The following CPNE7 variants were observed in gnomAD, a reference collection of about 807,000 sequenced individuals.
CPNE7 encodes copine-7.
CPNE7 carries 78 observed loss-of-function variants against 66.5 expected under a neutral mutation model. The observed-to-expected ratio is 1.17, with a 90% CI of 0.98 to 1.42. The LOEUF is 1.42. CPNE7 is among the 40% of genes most tolerant of loss of function. CPNE7 has a pLI of 0.00. For missense variants in CPNE7, 1,012 were observed against 776.6 expected (o/e 1.30, Z -3.60); for synonymous variants, 468 against 336.7 (o/e 1.39, Z -4.27).
chr16:89,588,540 A>C, intron 9 of CPNE7, 135 bp from the exon 10 acceptor site: 2 of 1,046,624 alleles, frequency 1.9e-6, no homozygotes, highest in Non-Finnish European at 2.8e-6. Context: ...CCCCAACAGC[A>C]GCCCCCCAGC....
chr16:89,586,949 GA>G, intron 8 of CPNE7, 93 bp from the exon 9 acceptor site: 3 of 1,290,066 alleles, frequency 2.3e-6, no homozygotes, highest in Non-Finnish European at 2.2e-6. Flanking sequence ...ACCCCAGAGG[GA>G]CTGGGCTGCC....
At chr16:89,590,641 C>T (rs530796228) in intron 11 of CPNE7, among the ~76,000 whole-genome samples, 14 of 151,188 alleles carry the variant, frequency 9.3e-5, no homozygotes, top group African/African-American at 2.9e-4. Flanking sequence ...GGAGGTCTGC[C>T]TCCCTCTCTG....
intron 2 of CPNE7, among the ~76,000 whole-genome samples, chr16:89,579,158 G>A (rs1242388683): frequency 6.6e-6 from 1 of 151,998 alleles, no homozygotes; most frequent in Non-Finnish European, 1.5e-5. Context: ...CAGGCGTGGT[G>A]GTGCGTGCCT....
intron 10 of CPNE7, 103 bp from the exon 11 acceptor site, chr16:89,589,794 G>A (rs943158989): frequency 7.8e-7 from 1 of 1,284,154 alleles, no homozygotes; most frequent in Admixed American, 2.0e-5. Context: ...CCAGGCCTGG[G>A]CACCCCCAGT....
At chr16:89,583,326 A>C in intron 2 of CPNE7, 1 of 969,930 alleles carries the variant, frequency 1.0e-6, no homozygotes, top group Non-Finnish European at 1.6e-6. Flanking sequence ...GGAGAGGGTC[A>C]GGGCAGCCCT....
At chr16:89,583,836 G>A in intron 3 of CPNE7, 65 bp downstream of exon 3, 1 of 1,575,072 alleles carries the variant, frequency 6.3e-7, no homozygotes, top group Non-Finnish European at 8.7e-7. Context: ...GGGTGTTGTG[G>A]GCGGAAGATG....
rs1567960615 is a variant in CPNE7, at chr16:89,587,692, C to CACG, written c.927+590_927+591insACG. ...GCAGACCCCGCGTCACCCATAGATA[C>CACG]GCACACCCCGTGTCACCCCCATAGC... On this transcript the variant is annotated intron_variant, in intron 9 of 14. Coordinates refer to ENST00000319518, the MANE Select transcript of CPNE7 (RefSeq NM_153636.3). The CACG allele has an allele frequency of 1.2e-4, 46 of 378,416 alleles. 2 individuals are homozygous for CACG. The highest frequency in any genetic ancestry group is 4.2e-4 in the East Asian group (5 of 11,940). 23.4% of individuals were successfully genotyped at this position (378,416 alleles called of 1,614,324 possible).
chr16:89,595,213 G>C (rs557309357), intron 13 of CPNE7, among the ~76,000 whole-genome samples, 154 bp from the exon 14 acceptor site: 1 of 152,158 alleles, frequency 6.6e-6, no homozygotes, highest in African/African-American at 2.4e-5. Flanking sequence ...ACTGTTGTTC[G>C]TGATGTTTGT....
Position 89,585,752 on chromosome 16 carries a change from C to T in CPNE7, c.747C>T (p.Phe249=), listed in dbSNP as rs1037730329. ...TCATCGGAGAATTCTCTACCACCTT[C>T]GAGGAGATGCAGAAGGCCTTTGAGG... ...HDFIGEFSTT[F]EEMQKAFEEG... The change falls in exon 7 of 15, where the codon TTC becomes TTT. Residue 249 remains phenylalanine (F), a synonymous_variant. Coordinates refer to ENST00000319518, the MANE Select transcript of CPNE7 (RefSeq NM_153636.3). 35 of 1,472,730 alleles carry T rather than the reference C, an allele frequency of 2.4e-5. No individual in the cohort carries two copies. Among genetic ancestry groups the T allele is most frequent in the Middle Eastern group, 1.8e-4 (1 of 5,656 alleles). The allele number at this position is 1,472,730 out of a possible 1,614,324, so 91.2% of individuals were successfully genotyped here.
Position 89,590,975 on chromosome 16 carries a change from G to A in CPNE7, c.1117-32G>A, listed in dbSNP as rs368037728. 4.8e-5 allele frequency: 78 copies of A among 1,613,110 alleles called. 1 individual carries two copies. The East Asian group carries it at 7.6e-4, about 16-fold the overall frequency. On this transcript the variant is annotated intron_variant, in intron 11 of 14. Coordinates refer to ENST00000319518, the MANE Select transcript of CPNE7 (RefSeq NM_153636.3). ...GGGCCAGTGGGGTGTGTTGCAACGA[G>A]CAGCTGACTGAGCCCTCTTGTTCCC...
At chr16:89,587,677 C>CGT (rs1214354542) in intron 9 of CPNE7, 4 of 406,068 alleles carry the variant, frequency 9.9e-6, no homozygotes, top group East Asian at 7.8e-5. Flanking sequence ...GCAGACCCCG[C>CGT]GTCACCCATA....
chr16:89,591,446 G>A (rs1353736496), intron 13 of CPNE7, among the ~76,000 whole-genome samples, 186 bp downstream of exon 13: 2 of 152,186 alleles, frequency 1.3e-5, no homozygotes, highest in Non-Finnish European at 2.9e-5. Flanking sequence ...CAGGTGTCTC[G>A]GGCACAGGGC....
In CPNE7 at chr16:89,591,143, G is replaced by A. The variant is rs375931623; in HGVS notation, c.1185G>A (p.Val395=). 3 of 1,611,058 alleles carry A rather than the reference G, an allele frequency of 1.9e-6. No individual in the cohort carries two copies. The African/African-American group carries it at 4.0e-5, about 22-fold the overall frequency. The part of the protein sequence containing the change: ...DDECEGIQGV[V]EAYQNCLPRV... ...CCCCCACAGGCATCCAGGGCGTGGT[G>A]GAGGCCTACCAGAACTGCCTGCCCA... Residue 395 remains valine, a synonymous_variant, in exon 13 of 15, where the codon GTG becomes GTA. Transcript: ENST00000319518.
chr16:89,595,446 C>T lies in CPNE7; in HGVS notation c.1382C>T (p.Ser461Leu), dbSNP rs1432724875. The T allele has an allele frequency of 2.5e-6, 4 of 1,611,698 alleles. No individual in the cohort carries two copies. In the East Asian group the frequency reaches 6.7e-5, roughly 27 times the overall value. ...ADTREAIVRA[S>L]RLPMSIIIVG... is the part of the protein sequence containing the mutation. ...ACACGGGAGGCCATTGTGCGTGCCT[C>T]ACGCCTGCCCATGTCCATCATCATC... The change falls in exon 14 of 15, where the codon TCA becomes TTA. Residue 461 changes from serine to leucine, a missense_variant. By Grantham distance (145) the Ser-to-Leu change is moderately radical. Transcript: ENST00000319518.
At position 89,589,956 on chromosome 16, in the gene CPNE7, G is replaced by C. The variant is rs1353048977; in HGVS notation, c.1116+5G>C. On this transcript the variant is annotated splice_donor_5th_base_variant and intron_variant, in intron 11 of 14. Transcript: ENST00000319518. ...CGGATCCCTCCCAAGTATGAGGTAG[G>C]AGAGCCCAGAACCTGAGACCTCAGA... The C allele has an allele frequency of 6.2e-7, 1 of 1,613,444 alleles. No individual in the cohort carries two copies. Among genetic ancestry groups the C allele is most frequent in the Non-Finnish European group, 8.5e-7 (1 of 1,179,962 alleles).
At chr16:89,592,016 T>C (rs530315873) in intron 13 of CPNE7, among the ~76,000 whole-genome samples, 2 of 142,518 alleles carry the variant, frequency 1.4e-5, no homozygotes, top group Non-Finnish European at 3.0e-5. Context: ...TTTTGTTGTT[T>C]TTTTTTTTTG....
intron 13 of CPNE7, 152 bp downstream of exon 13, chr16:89,591,412 T>C (rs994256082): frequency 2.4e-5 from 27 of 1,112,496 alleles, no homozygotes; most frequent in Non-Finnish European, 3.3e-5. Context: ...GCCCAGCTGG[T>C]TGACTACGTC....
In CPNE7 at chr16:89,578,759, C is replaced by CA. The variant is rs35811163; in HGVS notation, c.357+1057dup. 6.4e-3 allele frequency: 7,609 copies of CA among 1,187,640 alleles called. 11 individuals carry two copies. The highest frequency in any genetic ancestry group is 0.035 in the African/African-American group (1,807 of 52,122). 73.6% of individuals were successfully genotyped at this position (1,187,640 alleles called of 1,614,324 possible). ...TGAGTGACAGATTGAGACTCTGTCT[C>CA]AAAAAAAAAAAAAAAAAAAGAAGCC... On this transcript the variant is annotated intron_variant, in intron 2 of 14. Transcript: ENST00000319518.
chr16:89,587,027 C>G lies in CPNE7; in HGVS notation c.868-16C>G. 1 of 1,572,680 alleles carries G rather than the reference C, an allele frequency of 6.4e-7. No homozygotes were observed. The highest frequency in any genetic ancestry group is 1.2e-5 in the South Asian group (1 of 86,182). On this transcript the variant is annotated splice_polypyrimidine_tract_variant and intron_variant, in intron 8 of 14. Coordinates refer to ENST00000319518, the MANE Select transcript of CPNE7 (RefSeq NM_153636.3). Reference sequence around the variant, plus strand: ...TGTCCCTGGCGGGGGTGGACGCTGACTCCGCCGGCCGGAAGTTCCACAGGG... The same window carrying G: ...TGTCCCTGGCGGGGGTGGACGCTGAGTCCGCCGGCCGGAAGTTCCACAGGG...
Sources: allele counts gnomAD v4.1 joint callset (sites outside exome capture counted in the v4.1 genomes callset), GRCh38; gene constraint gnomAD v4.1.1; transcripts MANE v1.5; gene names NCBI Gene and HGNC (gene_info 2026-07-23, HGNC 2026-07-21).